The following UGT1A5 variants were observed in gnomAD, a reference collection of about 807,000 sequenced individuals.
UGT1A5 encodes UDP glucuronosyltransferase family 1 member A5.
UGT1A5 carries 29 observed loss-of-function variants against 40.3 expected under a neutral mutation model. The observed-to-expected ratio is 0.72, with a 90% confidence interval of 0.54 to 0.98. UGT1A5 has a LOEUF of 0.98. UGT1A5 is among the 50% of genes least tolerant of loss of function. The pLI is 0.00. For synonymous variants in UGT1A5, 257 were observed against 262.5 expected (o/e 0.98, Z 0.20); for missense variants, 678 against 677.9 (o/e 1.00, Z 0.00).
intron 1 of UGT1A5, among the ~76,000 whole-genome samples, chr2:233,766,480 T>TG (rs1699163559): frequency 6.6e-6 from 1 of 152,128 alleles, no homozygotes; most frequent in Non-Finnish European, 1.5e-5. Context: ...AGGCACATGA[T>TG]GGGGGCGTGG....
In UGT1A5 at chr2:233,755,391, C is replaced by G. The variant is rs115647781; in HGVS notation, c.868-11643C>G. 7.3e-3 allele frequency: 2,499 copies of G among 343,022 alleles called. 14 individuals carry two copies. The highest frequency in any genetic ancestry group is 0.01 in the Non-Finnish European group (1,783 of 176,380). 21.2% of individuals were successfully genotyped at this position (343,022 alleles called of 1,614,324 possible). A position where few individuals can be genotyped will look rare whatever the true frequency, so the allele number is the denominator to read the frequency against. On this transcript the variant is annotated intron_variant, in intron 1 of 4. Coordinates refer to ENST00000373414, the MANE Select transcript of UGT1A5 (RefSeq NM_019078.2). ...TGGAGGGCCGCCCCTTATGACGCAGCCACATCTCATTGGCCGAGGCCTGTG... is the reference window on the plus strand; with the variant it reads ...TGGAGGGCCGCCCCTTATGACGCAGGCACATCTCATTGGCCGAGGCCTGTG...
At chr2:233,757,560 A>ATATATATATATATATG (rs904896556) in intron 1 of UGT1A5, among the ~76,000 whole-genome samples, 35 of 123,152 alleles carry the variant, frequency 2.8e-4, no homozygotes, top group African/African-American at 1.1e-3. Context: ...ATATATATAT[A>ATATATATATATATATG]TGTATATATG....
At chr2:233,727,361 G>A (rs2077609181) in intron 1 of UGT1A5, among the ~76,000 whole-genome samples, 1 of 152,128 alleles carries the variant, frequency 6.6e-6, no homozygotes, top group Admixed American at 6.5e-5. Flanking sequence ...TATCCTTAGG[G>A]CCCCTAGGTC....
At chr2:233,727,345 T>A (rs2077607962) in intron 1 of UGT1A5, among the ~76,000 whole-genome samples, 1 of 152,184 alleles carries the variant, frequency 6.6e-6, no homozygotes, top group Non-Finnish European at 1.5e-5. Flanking sequence ...CTCCCCATAG[T>A]TCTGCTATCC....
At chr2:233,759,469 A>G (rs1187872464) in intron 1 of UGT1A5, among the ~76,000 whole-genome samples, 5 of 152,280 alleles carry the variant, frequency 3.3e-5, no homozygotes, top group Admixed American at 2.6e-4. Flanking sequence ...CTCAAGATCT[A>G]TCTTACAGGA....
chr2:233,736,069 TTGGGAAGTTCTCC>T (rs1429776969), intron 1 of UGT1A5, among the ~76,000 whole-genome samples: 1 of 152,194 alleles, frequency 6.6e-6, no homozygotes, highest in African/African-American at 2.4e-5. Flanking sequence ...CTTGCTAGGT[TTGGGAAGTTCTCC>T]TGGATAATAT....
intron 1 of UGT1A5, among the ~76,000 whole-genome samples, chr2:233,748,714 G>C (rs1019061059): frequency 6.6e-6 from 1 of 151,630 alleles, no homozygotes; most frequent in Non-Finnish European, 1.5e-5. Flanking sequence ...TTGGGGTCTG[G>C]TGCATGATGT....
intron 1 of UGT1A5, among the ~76,000 whole-genome samples, chr2:233,728,340 T>A (rs2077702192): frequency 6.6e-6 from 1 of 152,202 alleles, no homozygotes; most frequent in African/African-American, 2.4e-5. Flanking sequence ...CCCCAGTCCC[T>A]TGGTGAGCAG....
chr2:233,744,850 C>T (rs534580707), intron 1 of UGT1A5, among the ~76,000 whole-genome samples: 1 of 152,016 alleles, frequency 6.6e-6, no homozygotes, highest in African/African-American at 2.4e-5. Context: ...GCAGAGTAGT[C>T]CTTGGTATTC....
intron 1 of UGT1A5, among the ~76,000 whole-genome samples, chr2:233,725,945 T>C (rs1167076950): frequency 1.3e-5 from 2 of 152,170 alleles, no homozygotes; most frequent in Non-Finnish European, 2.9e-5. Flanking sequence ...GCAGGAGGAT[T>C]GTTTGAGCCC....
chr2:233,720,742 G>A (rs2125678345), intron 1 of UGT1A5, among the ~76,000 whole-genome samples: 1 of 144,784 alleles, frequency 6.9e-6, no homozygotes, highest in African/African-American at 2.6e-5. Flanking sequence ...GCCTCGTTCT[G>A]TCGCCCAGGC....
chr2:233,747,906 G>C, intron 1 of UGT1A5: 1 of 1,613,472 alleles, frequency 6.2e-7, no homozygotes, highest in Non-Finnish European at 8.5e-7. Context: ...TGCTCCTTAT[G>C]CAAGCCTTGC....
chr2:233,749,365 C>A (rs540660100), intron 1 of UGT1A5, among the ~76,000 whole-genome samples: 4 of 151,824 alleles, frequency 2.6e-5, no homozygotes, highest in Admixed American at 1.3e-4. Context: ...GTGACTCTTG[C>A]CCTTTTCTTC....
chr2:233,766,640 TATC>T (rs1314167466), intron 1 of UGT1A5, among the ~76,000 whole-genome samples: 1 of 152,156 alleles, frequency 6.6e-6, no homozygotes, highest in African/African-American at 2.4e-5. Context: ...CCTACTTCCA[TATC>T]ATTTAAAGGG....
At chr2:233,718,488 C>G (rs1328491116) in intron 1 of UGT1A5, among the ~76,000 whole-genome samples, 1 of 152,166 alleles carries the variant, frequency 6.6e-6, no homozygotes, top group Non-Finnish European at 1.5e-5. Flanking sequence ...ATATGGTTAA[C>G]AGAGTAGAAG....
chr2:233,758,832 A>G (rs1444502307), intron 1 of UGT1A5, among the ~76,000 whole-genome samples: 2 of 152,162 alleles, frequency 1.3e-5, no homozygotes, highest in Non-Finnish European at 2.9e-5. Context: ...CCCCAAAAAG[A>G]GTGTAATACT....
chr2:233,768,302 G>A lies in UGT1A5; in HGVS notation c.1170G>A (p.Val390=). The change falls in exon 4 of 5, where the codon GTG becomes GTA. Residue 390 remains valine, a synonymous_variant. Coordinates refer to ENST00000373414, the MANE Select transcript of UGT1A5 (RefSeq NM_019078.2). Reference sequence around the variant, plus strand: ...GCATATGCAATGGCGTTCCCATGGTGATGATGCCCTTGTTTGGTGATCAGA... The same window carrying A: ...GCATATGCAATGGCGTTCCCATGGTAATGATGCCCTTGTTTGGTGATCAGA... ...YESICNGVPM[V]MMPLFGDQMD... is the part of the protein sequence containing the mutation. 1 of 1,614,228 alleles carries A rather than the reference G, an allele frequency of 6.2e-7. No homozygotes were observed. Among genetic ancestry groups the A allele is most frequent in the Non-Finnish European group, 8.5e-7 (1 of 1,180,048 alleles).
intron 1 of UGT1A5, among the ~76,000 whole-genome samples, chr2:233,744,313 G>A (rs1203522735): frequency 6.6e-6 from 1 of 151,838 alleles, no homozygotes; most frequent in Non-Finnish European, 1.5e-5. Context: ...GAGGGAAGAG[G>A]GTGGTGGGAG....
chr2:233,755,135 T>C, intron 1 of UGT1A5: 2 of 1,315,650 alleles, frequency 1.5e-6, no homozygotes, highest in Non-Finnish European at 2.1e-6. Context: ...CCTGCTTGAA[T>C]CTTCTCACCG....
Sources: allele counts gnomAD v4.1 joint callset (sites outside exome capture counted in the v4.1 genomes callset), GRCh38; gene constraint gnomAD v4.1.1; transcripts MANE v1.5; gene names NCBI Gene and HGNC (gene_info 2026-07-23, HGNC 2026-07-21).